TMEM117: variants seen among roughly 807,000 people sequenced by gnomAD.
TMEM117 encodes transmembrane protein 117.
In TMEM117, 27 loss-of-function variants were observed where a neutral mutation model predicts 52.4. That is an observed-to-expected ratio of 0.51 (90% confidence interval 0.38 to 0.71). The LOEUF (loss-of-function observed/expected upper bound fraction) is 0.71. Ranked by LOEUF, TMEM117 falls within the 30% of genes least tolerant of loss-of-function variation. TMEM117 has a pLI of 0.00. For missense variants in TMEM117, 556 were observed against 630.5 expected, an observed-to-expected ratio of 0.88 and a Z score of 1.26; for synonymous variants, 215 against 206.3, an observed-to-expected ratio of 1.04 and a Z score of -0.36.
upstream of TMEM117, among the ~76,000 whole-genome samples, chr12:43,833,350 A>G (rs898409728): frequency 1.3e-5 from 2 of 152,048 alleles, no homozygotes; most frequent in African/African-American, 4.8e-5. Context: ...TCTTAAGGAG[A>G]CAGAAGACAA....
chr12:44,009,322 C>T (rs1020823242), intron 3 of TMEM117: 14 of 240,370 alleles, frequency 5.8e-5, no homozygotes, highest in Non-Finnish European at 9.7e-5. Context: ...TAGCTTTAAC[C>T]CTAGAGAGAT....
At chr12:44,051,460 A>G (rs890510846) in intron 3 of TMEM117, among the ~76,000 whole-genome samples, 1 of 152,236 alleles carries the variant, frequency 6.6e-6, no homozygotes, top group Admixed American at 6.5e-5. Flanking sequence ...CTTGAAGCCC[A>G]AAAGTATATA....
chr12:44,005,435 A>G (rs1321040473), intron 3 of TMEM117, among the ~76,000 whole-genome samples: 1 of 152,216 alleles, frequency 6.6e-6, no homozygotes, highest in Non-Finnish European at 1.5e-5. Flanking sequence ...AGATAGTCAC[A>G]TTGGCTAATA....
chr12:44,340,792 T>A (rs1487209296), intron 6 of TMEM117, among the ~76,000 whole-genome samples: 2 of 152,256 alleles, frequency 1.3e-5, no homozygotes, highest in East Asian at 3.9e-4. Flanking sequence ...ATTTTTTACA[T>A]TGTACACATA....
intron 6 of TMEM117, among the ~76,000 whole-genome samples, chr12:44,361,813 T>C (rs1237684205): frequency 6.6e-6 from 1 of 152,134 alleles, no homozygotes; most frequent in Non-Finnish European, 1.5e-5. Context: ...GCCATTGTGA[T>C]AGGGGAGTGA....
At chr12:44,012,977 A>G (rs940130666) in intron 3 of TMEM117, among the ~76,000 whole-genome samples, 1 of 146,912 alleles carries the variant, frequency 6.8e-6, no homozygotes, top group Non-Finnish European at 1.5e-5. Context: ...AGTCTTTTGT[A>G]CTCCTCTGAT....
intron 3 of TMEM117, among the ~76,000 whole-genome samples, chr12:44,043,966 T>C (rs535486130): frequency 4.6e-5 from 7 of 152,302 alleles, no homozygotes; most frequent in African/African-American, 1.4e-4. Flanking sequence ...TCTAATAGTT[T>C]ACTTTGTTAG....
intron 3 of TMEM117, among the ~76,000 whole-genome samples, chr12:44,136,136 A>G (rs753806926): frequency 1.1e-4 from 16 of 152,180 alleles, no homozygotes; most frequent in Non-Finnish European, 1.8e-4. Context: ...ATGTGACTAA[A>G]TTAATTATGA....
chr12:44,118,994 A>G (rs1948190818), intron 3 of TMEM117, among the ~76,000 whole-genome samples: 2 of 152,224 alleles, frequency 1.3e-5, no homozygotes, highest in South Asian at 2.1e-4. Flanking sequence ...ACTGTATTTT[A>G]GCTCATCTGT....
intron 3 of TMEM117, among the ~76,000 whole-genome samples, chr12:44,135,469 G>A (rs1187154432): frequency 1.3e-5 from 2 of 152,134 alleles, no homozygotes; most frequent in Non-Finnish European, 2.9e-5. Context: ...GCTGCAATAA[G>A]GTTCCTGGGT....
chr12:44,086,971 A>T lies in TMEM117; in HGVS notation c.411-56554A>T, dbSNP rs145859630. 6.8e-4 allele frequency among the ~76,000 whole-genome samples: 100 copies of T among 147,494 alleles called. 1 individual carries two copies. In the East Asian group the frequency reaches 0.011, roughly 16 times the overall value. On this transcript the variant is annotated intron_variant, in intron 3 of 7. Transcript: ENST00000266534. ...ATATAATATATAATTAATAATTATA[A>T]ATTATATAATATATAATTAATAATT...
At chr12:44,079,047 C>A (rs1022129508) in intron 3 of TMEM117, among the ~76,000 whole-genome samples, 2 of 151,936 alleles carry the variant, frequency 1.3e-5, no homozygotes, top group East Asian at 1.9e-4. Context: ...TGAACTCATC[C>A]TTTTTTTATG....
intron 2 of TMEM117, among the ~76,000 whole-genome samples, chr12:43,912,535 ATG>A (rs893509097): frequency 3.7e-5 from 5 of 136,946 alleles, no homozygotes; most frequent in African/African-American, 1.4e-4. Context: ...ATATATATAT[ATG>A]GCAGAATGAA....
At chr12:44,017,298 A>G (rs1030704907) in intron 3 of TMEM117, among the ~76,000 whole-genome samples, 2 of 147,102 alleles carry the variant, frequency 1.4e-5, no homozygotes, top group Non-Finnish European at 3.0e-5. Flanking sequence ...TCACTATGCC[A>G]TATCAAGCTT....
chr12:44,159,430 T>C (rs1224825470), intron 4 of TMEM117, among the ~76,000 whole-genome samples: 1 of 152,178 alleles, frequency 6.6e-6, no homozygotes, highest in East Asian at 1.9e-4. Context: ...GCAGATGGTT[T>C]AGTTTTCTAA....
chr12:43,850,331 C>T (rs1358408813), intron 2 of TMEM117, among the ~76,000 whole-genome samples: 1 of 152,174 alleles, frequency 6.6e-6, no homozygotes, highest in Non-Finnish European at 1.5e-5. Context: ...GTTACTTTGA[C>T]CTGCAGAACC....
chr12:44,013,291 C>T (rs559222918), intron 3 of TMEM117, among the ~76,000 whole-genome samples: 3 of 152,188 alleles, frequency 2.0e-5, no homozygotes, highest in Admixed American at 6.5e-5. Context: ...CCTCCCAAAG[C>T]GCTGGGATTA....
At chr12:44,139,335 C>A (rs1948538279) in intron 3 of TMEM117, among the ~76,000 whole-genome samples, 1 of 151,960 alleles carries the variant, frequency 6.6e-6, no homozygotes, top group Non-Finnish European at 1.5e-5. Context: ...TACTGTAAGA[C>A]CAATTCACTA....
At chr12:43,885,481 CA>C in intron 2 of TMEM117, among the ~76,000 whole-genome samples, 1 of 113,632 alleles carries the variant, frequency 8.8e-6, no homozygotes, top group Non-Finnish European at 2.0e-5. Context: ...TTTAAAAAAA[CA>C]AATGTGAATT....
Sources: allele counts gnomAD v4.1 joint callset (sites outside exome capture counted in the v4.1 genomes callset), GRCh38; gene constraint gnomAD v4.1.1; transcripts MANE v1.5; gene names NCBI Gene and HGNC (gene_info 2026-07-23, HGNC 2026-07-21).